The following MIA2 variants were observed in gnomAD, a reference collection of about 807,000 sequenced individuals.
MIA2 encodes MIA SH3 domain ER export factor 2.
Under a neutral mutation model 167.8 loss-of-function variants are expected in MIA2, and 127 were observed. The observed-to-expected ratio is 0.76, with a 90% CI of 0.66 to 0.88. MIA2 has a LOEUF of 0.88. Among genes scored for constraint, MIA2 ranks in the 40% least tolerant of loss-of-function variants. The pLI is 0.00. For synonymous variants in MIA2, 552 were observed against 541.9 expected (o/e 1.02, Z -0.26); for missense variants, 1,690 against 1,624.7 (o/e 1.04, Z -0.69).
At position 39,314,808 on chromosome 14, in the gene MIA2, A is replaced by ATTTGTGTGTGTG. The variant is rs554677567; in HGVS notation, c.3180+10_3180+11insTTGTGTGTGTGT. 2.7e-6 allele frequency: 3 copies of ATTTGTGTGTGTG among 1,099,618 alleles called. No individual in the cohort carries two copies. Among genetic ancestry groups the ATTTGTGTGTGTG allele is most frequent in the Non-Finnish European group, 3.9e-6 (3 of 770,596 alleles). 68.1% of individuals were successfully genotyped at this position (1,099,618 alleles called of 1,614,324 possible). A position where few individuals can be genotyped will look rare whatever the true frequency, so the allele number is the denominator to read the frequency against. On this transcript the variant is annotated intron_variant, in intron 20 of 28. Coordinates refer to ENST00000640607, the MANE Select transcript of MIA2 (RefSeq NM_001329214.4). ...ATTCTTATCAAGGGCAGGTATATAT[A>ATTTGTGTGTGTG]TATGTGTGTGTGTGTGTGTGTGTGT...
chr14:39,303,617 T>C (rs1368094559), intron 16 of MIA2, 93 bp downstream of exon 16: 1 of 821,790 alleles, frequency 1.2e-6, no homozygotes. Flanking sequence ...GTCCATTTTA[T>C]TGTTCCCATA....
At chr14:39,386,280 C>T in intron 23 of MIA2, 2 of 1,455,700 alleles carry the variant, frequency 1.4e-6, no homozygotes, top group Middle Eastern at 1.7e-4. Flanking sequence ...GGTAATTTCT[C>T]TGAGGAATTT....
chr14:39,277,174 G>C, intron 7 of MIA2, 109 bp downstream of exon 7: 1 of 1,366,326 alleles, frequency 7.3e-7, no homozygotes, highest in African/African-American at 1.5e-5. Context: ...AAACTACATA[G>C]GGATTCAGAG....
Position 39,350,500 on chromosome 14 carries a change from C to A in MIA2, c.*236C>A. On this transcript the variant is annotated 3_prime_UTR_variant, in exon 29 of 29. Transcript: ENST00000640607. ...TTTGATTAATCCACTATTATATAAA[C>A]AATAGTGGGAGTTTTATATATGTAA... 1 of 369,518 alleles carries A rather than the reference C, an allele frequency of 2.7e-6. No individual in the cohort carries two copies. The highest frequency in any genetic ancestry group is 4.8e-6 in the Non-Finnish European group (1 of 207,128). 22.9% of individuals were successfully genotyped at this position (369,518 alleles called of 1,614,324 possible).
intron 20 of MIA2, 48 bp from the exon 21 acceptor site, chr14:39,315,635 C>T (rs376283232): frequency 7.6e-5 from 107 of 1,412,412 alleles, no homozygotes; most frequent in Non-Finnish European, 9.4e-5. Context: ...ATGTTTTTTA[C>T]TTAAGAAAAA....
chr14:39,323,449 C>A, intron 24 of MIA2, among the ~76,000 whole-genome samples: 1 of 146,646 alleles, frequency 6.8e-6, no homozygotes, highest in East Asian at 2.0e-4. Flanking sequence ...TCTAAGTCCA[C>A]CCCCACCCCT....
chr14:39,266,204 A>G (rs1272857439), intron 6 of MIA2: 2 of 985,424 alleles, frequency 2.0e-6, no homozygotes, highest in Non-Finnish European at 2.4e-6. Flanking sequence ...GCTTCACCAA[A>G]GTACTTGAGT....
At chr14:39,344,954 G>C (rs1233103131) in intron 25 of MIA2, among the ~76,000 whole-genome samples, 1 of 152,194 alleles carries the variant, frequency 6.6e-6, no homozygotes, top group Non-Finnish European at 1.5e-5. Context: ...GGTGGCTGTA[G>C]AAGCACTTGA....
chr14:39,283,813 A>G (rs1595008440), intron 9 of MIA2, among the ~76,000 whole-genome samples: 1 of 152,310 alleles, frequency 6.6e-6, no homozygotes, highest in East Asian at 1.9e-4. Flanking sequence ...CTTCAGAGAA[A>G]TATCTATTTA....
At chr14:39,355,787 C>G (rs1315910609), downstream of MIA2, among the ~76,000 whole-genome samples, 1 of 152,054 alleles carries the variant, frequency 6.6e-6, no homozygotes. Context: ...TGTCAAAGGC[C>G]TTTTCTGCAT....
intron 23 of MIA2, among the ~76,000 whole-genome samples, chr14:39,319,744 A>G (rs2066084941): frequency 6.6e-6 from 1 of 152,140 alleles, no homozygotes; most frequent in African/African-American, 2.4e-5. Context: ...AATGTGGGAA[A>G]AACTCAGTCT....
At chr14:39,287,632 C>T (rs1264851332) in intron 9 of MIA2, among the ~76,000 whole-genome samples, 5 of 151,692 alleles carry the variant, frequency 3.3e-5, no homozygotes, top group Non-Finnish European at 5.9e-5. Flanking sequence ...GGCGTGATCT[C>T]GGCTCACTGC....
chr14:39,313,025 C>G (rs1044268799), intron 18 of MIA2, among the ~76,000 whole-genome samples: 1 of 151,956 alleles, frequency 6.6e-6, no homozygotes, highest in East Asian at 1.9e-4. Flanking sequence ...TACAGAAAGA[C>G]TTGATAAGTG....
chr14:39,235,882 C>A (rs2053718557), intron 1 of MIA2, among the ~76,000 whole-genome samples: 1 of 152,028 alleles, frequency 6.6e-6, no homozygotes, highest in Non-Finnish European at 1.5e-5. Context: ...AGGGAACATT[C>A]AAATTTATAG....
At chr14:39,348,015 G>T (rs898660702) in intron 27 of MIA2, among the ~76,000 whole-genome samples, 1 of 151,980 alleles carries the variant, frequency 6.6e-6, no homozygotes, top group Non-Finnish European at 1.5e-5. Context: ...GTTTCACCCT[G>T]TTGGCGAGGC....
chr14:39,325,366 ATTTTTT>A (rs1203450043), intron 24 of MIA2, among the ~76,000 whole-genome samples: 7 of 136,988 alleles, frequency 5.1e-5, no homozygotes, highest in Non-Finnish European at 1.6e-5. Flanking sequence ...TGAATGTTAA[ATTTTTT>A]TTTTTTTTTT....
chr14:39,260,683 T>G (rs1333613680), intron 6 of MIA2, among the ~76,000 whole-genome samples: 1 of 152,220 alleles, frequency 6.6e-6, no homozygotes, highest in African/African-American at 2.4e-5. Flanking sequence ...TGGTAGTTTC[T>G]TTTTCTGTGC....
At position 39,314,817 on chromosome 14, in the gene MIA2, T is replaced by TGTGTGTGTGTGTAC. The variant is rs779543912; in HGVS notation, c.3180+30_3180+31insACGTGTGTGTGTGT. 1.1e-5 allele frequency: 13 copies of TGTGTGTGTGTGTAC among 1,160,332 alleles called. No individual in the cohort carries two copies. In the East Asian group the frequency reaches 3.3e-4, roughly 30 times the overall value. 71.9% of individuals were successfully genotyped at this position (1,160,332 alleles called of 1,614,324 possible). Reference sequence around the variant, plus strand: ...AAGGGCAGGTATATATATATGTGTGTGTGTGTGTGTGTGTGTGTGTATATA... The same window carrying TGTGTGTGTGTGTAC: ...AAGGGCAGGTATATATATATGTGTGTGTGTGTGTGTGTACGTGTGTGTGTGTGTGTGTGTATATA... On this transcript the variant is annotated intron_variant, in intron 20 of 28. Coordinates refer to ENST00000640607, the MANE Select transcript of MIA2 (RefSeq NM_001329214.4).
intron 6 of MIA2, among the ~76,000 whole-genome samples, chr14:39,275,741 A>G (rs2057910267): frequency 1.3e-5 from 2 of 152,174 alleles, no homozygotes; most frequent in Admixed American, 6.5e-5. Flanking sequence ...CCAATAGCAA[A>G]AATAATTTTT....
Sources: gnomAD v4.1 joint callset for allele counts (sites outside exome capture counted in the v4.1 genomes callset) on GRCh38, gnomAD v4.1.1 for gene constraint, MANE v1.5 for transcripts, NCBI Gene and HGNC (gene_info 2026-07-23, HGNC 2026-07-21) for gene names.